The following CDH2 variants were observed in gnomAD, a reference collection of about 807,000 sequenced individuals.
The protein encoded by CDH2 is cadherin 2.
A neutral mutation model predicts 92.0 loss-of-function variants in CDH2; 17 were observed. The ratio of observed to expected loss-of-function variants is 0.18; its 90% CI spans 0.13 to 0.28. The LOEUF (loss-of-function observed/expected upper bound fraction) is 0.28. Ranked by LOEUF, CDH2 falls within the 10% of genes least tolerant of loss-of-function variation. The pLI is 1.00. For missense variants in CDH2, 862 were observed against 1,133.1 expected (o/e 0.76, Z 3.44); for synonymous variants, 419 against 415.9 (o/e 1.01, Z -0.09).
At chr18:28,068,689 C>A (rs746124376) in intron 2 of CDH2, among the ~76,000 whole-genome samples, 3 of 152,162 alleles carry the variant, frequency 2.0e-5, no homozygotes, top group Non-Finnish European at 4.4e-5. Context: ...GCAACCATCA[C>A]GCAGTGCTAG....
intron 1 of CDH2, among the ~76,000 whole-genome samples, chr18:28,158,372 G>A (rs1234269371): frequency 6.6e-6 from 1 of 152,246 alleles, no homozygotes; most frequent in Non-Finnish European, 1.5e-5. Context: ...CAGGCTGAGA[G>A]GTTGCAGAGC....
intron 2 of CDH2, among the ~76,000 whole-genome samples, chr18:28,086,862 C>T (rs531581171): frequency 6.6e-6 from 1 of 152,238 alleles, no homozygotes; most frequent in Non-Finnish European, 1.5e-5. Flanking sequence ...TCTTAGACAG[C>T]ATTTGAATGT....
chr18:28,166,042 A>G (rs2016373320), intron 1 of CDH2, among the ~76,000 whole-genome samples: 1 of 150,742 alleles, frequency 6.6e-6, no homozygotes, highest in African/African-American at 2.4e-5. Flanking sequence ...CAAACAGATA[A>G]GTAATATCTG....
intron 1 of CDH2, among the ~76,000 whole-genome samples, chr18:28,154,390 C>A (rs981946173): frequency 6.6e-6 from 1 of 152,236 alleles, no homozygotes; most frequent in African/African-American, 2.4e-5. Context: ...CATTTAGTGC[C>A]GCTCTGTGCT....
At chr18:27,957,104 TA>T (rs2143867107) in intron 15 of CDH2, among the ~76,000 whole-genome samples, 1 of 133,134 alleles carries the variant, frequency 7.5e-6, no homozygotes, top group South Asian at 2.6e-4. Context: ...ATACTTCTTA[TA>T]TTTTTTATCT....
At chr18:27,987,264 A>G (rs947021554) in intron 11 of CDH2, among the ~76,000 whole-genome samples, 1 of 152,236 alleles carries the variant, frequency 6.6e-6, no homozygotes, top group Non-Finnish European at 1.5e-5. Flanking sequence ...AAAAAAGCAT[A>G]AAACAGGTAC....
chr18:28,092,384 C>T (rs1018439070), intron 2 of CDH2, among the ~76,000 whole-genome samples: 2 of 152,038 alleles, frequency 1.3e-5, no homozygotes, highest in African/African-American at 2.4e-5. Flanking sequence ...ATATAAAATG[C>T]TTATTTATGA....
At chr18:28,009,632 T>A in intron 5 of CDH2, 85 bp downstream of exon 5, 1 of 1,201,796 alleles carries the variant, frequency 8.3e-7, no homozygotes. Context: ...ATTGAGGCTT[T>A]CAGACTGATA....
intron 2 of CDH2, among the ~76,000 whole-genome samples, chr18:28,132,071 T>C (rs971769547): frequency 1.3e-5 from 2 of 152,162 alleles, no homozygotes; most frequent in Non-Finnish European, 2.9e-5. Flanking sequence ...GGACCCCTTG[T>C]TCAAAAAGAA....
chr18:27,939,213 T>C (rs1476576864), intron 6 of CDH2, among the ~76,000 whole-genome samples: 2 of 152,148 alleles, frequency 1.3e-5, no homozygotes, highest in Non-Finnish European at 2.9e-5. Flanking sequence ...TGTTCTTCCA[T>C]AGATGAACTA....
chr18:28,102,912 T>C (rs947409618), intron 2 of CDH2, among the ~76,000 whole-genome samples: 2 of 151,364 alleles, frequency 1.3e-5, no homozygotes, highest in African/African-American at 4.8e-5. Flanking sequence ...GGTTTCAGAT[T>C]ATGAAAAAAA....
At chr18:28,027,782 C>G (rs966375567) in intron 2 of CDH2, among the ~76,000 whole-genome samples, 1 of 151,584 alleles carries the variant, frequency 6.6e-6, no homozygotes, top group Non-Finnish European at 1.5e-5. Context: ...AATGAAAACT[C>G]TTTCTTTTGA....
intron 2 of CDH2, among the ~76,000 whole-genome samples, chr18:28,062,753 G>T (rs1190166776): frequency 3.9e-5 from 6 of 152,146 alleles, no homozygotes; most frequent in Non-Finnish European, 2.9e-5. Context: ...GCGAGCGGAT[G>T]ACTTGAGGTC....
chr18:28,114,259 T>C (rs1469387802), intron 2 of CDH2, among the ~76,000 whole-genome samples: 1 of 152,180 alleles, frequency 6.6e-6, no homozygotes, highest in African/African-American at 2.4e-5. Flanking sequence ...TGCTAATTAC[T>C]TTGATCTGAT....
At chr18:27,967,980 T>C (rs1407653337) in intron 14 of CDH2, among the ~76,000 whole-genome samples, 1 of 152,234 alleles carries the variant, frequency 6.6e-6, no homozygotes, top group Non-Finnish European at 1.5e-5. Flanking sequence ...ATCTACAGAA[T>C]TGTATAGTCA....
chr18:28,176,941 G>T, intron 1 of CDH2, 22 bp downstream of exon 1: 1 of 1,283,374 alleles, frequency 7.8e-7, no homozygotes. Context: ...CCGTGGCCCG[G>T]CCCGCGGGGA....
intron 2 of CDH2, among the ~76,000 whole-genome samples, chr18:28,017,359 G>A (rs1012757693): frequency 1.3e-5 from 2 of 152,020 alleles, no homozygotes; most frequent in Non-Finnish European, 2.9e-5. Flanking sequence ...ATACTTCCAG[G>A]AATTTATCCG....
chr18:28,156,962 T>C (rs1389087190), intron 1 of CDH2, among the ~76,000 whole-genome samples: 10 of 152,148 alleles, frequency 6.6e-5, no homozygotes, highest in Non-Finnish European at 8.8e-5. Flanking sequence ...GAGAAGAGGC[T>C]TCCTAGGCTT....
At chr18:28,093,409 T>A (rs934388863) in intron 2 of CDH2, among the ~76,000 whole-genome samples, 1 of 151,576 alleles carries the variant, frequency 6.6e-6, no homozygotes, top group Non-Finnish European at 1.5e-5. Flanking sequence ...AAGATGGGAG[T>A]CCTAACTTGT....
Sources: allele counts gnomAD v4.1 joint callset (sites outside exome capture counted in the v4.1 genomes callset), GRCh38; gene constraint gnomAD v4.1.1; transcripts MANE v1.5; gene names NCBI Gene and HGNC (gene_info 2026-07-23, HGNC 2026-07-21).